The following CSGALNACT1 variants were observed in gnomAD, a reference collection of about 807,000 sequenced individuals.
CSGALNACT1 encodes the protein chondroitin sulfate N-acetylgalactosaminyltransferase 1, also known as beta4GalNAcT-1.
Under a neutral mutation model 51.0 loss-of-function variants are expected in CSGALNACT1, and 52 were observed. The observed-to-expected ratio is 1.02, with a 90% CI of 0.82 to 1.29. The LOEUF is 1.29. Ranked by LOEUF, CSGALNACT1 falls within the 50% of genes most tolerant of loss-of-function variation. The pLI, the probability that CSGALNACT1 is intolerant of heterozygous loss-of-function variation, is 0.00. For synonymous variants in CSGALNACT1, 341 were observed against 254.4 expected (o/e 1.34, Z -3.24); for missense variants, 935 against 679.2 (o/e 1.38, Z -4.19).
intron 3 of CSGALNACT1, among the ~76,000 whole-genome samples, chr8:19,508,838 T>C (rs1165937278): frequency 2.0e-5 from 3 of 152,220 alleles, no homozygotes; most frequent in Admixed American, 6.5e-5. Flanking sequence ...CTGAACACTA[T>C]TTAAAAACTA....
intron 1 of CSGALNACT1, among the ~76,000 whole-genome samples, chr8:19,674,506 G>A (rs1184681347): frequency 6.6e-6 from 1 of 152,130 alleles, no homozygotes; most frequent in African/African-American, 2.4e-5. Context: ...TGCAGAAGCT[G>A]GGTGTTTAGA....
chr8:19,639,492 T>G lies in CSGALNACT1; in HGVS notation c.-543-37627A>C, dbSNP rs190985344. On this transcript the variant is annotated intron_variant, in intron 1 of 9. Coordinates refer to the CSGALNACT1 transcript ENST00000332246. ...ATCTACTGTATCACATGTGAAACAA[T>G]GTGGAAACAGGTCTGTCACAAAACT... Among the ~76,000 whole-genome samples, 456 of 152,324 alleles carry G rather than the reference T, an allele frequency of 3.0e-3. 14 individuals are homozygous for G. The South Asian group carries it at 0.074, about 25-fold the overall frequency.
At chr8:19,418,028 C>G (rs995320584) in intron 8 of CSGALNACT1, among the ~76,000 whole-genome samples, 1 of 152,204 alleles carries the variant, frequency 6.6e-6, no homozygotes, top group Non-Finnish European at 1.5e-5. Flanking sequence ...TATCCATCAC[C>G]TGTGCAGCCA....
At chr8:19,663,064 A>G (rs1769733474) in intron 1 of CSGALNACT1, among the ~76,000 whole-genome samples, 1 of 152,184 alleles carries the variant, frequency 6.6e-6, no homozygotes, top group Admixed American at 6.6e-5. Flanking sequence ...GCTCTCTATC[A>G]ATCTATTGCG....
intron 3 of CSGALNACT1, among the ~76,000 whole-genome samples, chr8:19,572,255 C>G (rs923518945): frequency 1.1e-4 from 16 of 152,216 alleles, no homozygotes; most frequent in African/African-American, 3.6e-4. Context: ...ATCTACCTAT[C>G]AAACTCTATC....
At chr8:19,567,731 T>G (rs1588451760) in intron 3 of CSGALNACT1, among the ~76,000 whole-genome samples, 1 of 152,118 alleles carries the variant, frequency 6.6e-6, no homozygotes, top group Non-Finnish European at 1.5e-5. Context: ...ACGTAGAAAA[T>G]AGGAAAAATC....
intron 3 of CSGALNACT1, among the ~76,000 whole-genome samples, chr8:19,549,200 T>TTCC (rs1387402731): frequency 6.6e-6 from 1 of 152,128 alleles, no homozygotes; most frequent in Non-Finnish European, 1.5e-5. Context: ...CAACACACTT[T>TTCC]TCCTCTCCAT....
chr8:19,649,842 A>AAAAAAAAAC (rs2057638529), intron 1 of CSGALNACT1, among the ~76,000 whole-genome samples: 1 of 148,950 alleles, frequency 6.7e-6, no homozygotes, highest in African/African-American at 2.5e-5. Flanking sequence ...AAAAAAAAAA[A>AAAAAAAAAC]AAACCACGGG....
intron 1 of CSGALNACT1, among the ~76,000 whole-genome samples, chr8:19,626,778 T>C (rs2054513300): frequency 6.6e-6 from 1 of 152,134 alleles, no homozygotes; most frequent in Non-Finnish European, 1.5e-5. Context: ...CAGACAGACC[T>C]TCACCAAAGA....
intron 1 of CSGALNACT1, among the ~76,000 whole-genome samples, chr8:19,649,017 G>A (rs2057531502): frequency 1.3e-5 from 2 of 152,186 alleles, no homozygotes; most frequent in East Asian, 3.8e-4. Context: ...TACTGTGTAT[G>A]TCCATACAGT....
At chr8:19,550,364 C>T (rs1410115344) in intron 3 of CSGALNACT1, among the ~76,000 whole-genome samples, 1 of 152,178 alleles carries the variant, frequency 6.6e-6, no homozygotes, top group Non-Finnish European at 1.5e-5. Context: ...TTTTCCATCT[C>T]TGTGCTTTTA....
At chr8:19,641,128 CTTTTTTTT>C (rs56681695) in intron 1 of CSGALNACT1, among the ~76,000 whole-genome samples, 1,358 of 99,982 alleles carry the variant, frequency 0.014, 22 homozygotes, top group African/African-American at 0.045. Flanking sequence ...GGTGACTGGT[CTTTTTTTT>C]TTTTTTTTTT....
At chr8:19,725,820 A>G (rs1009249913) in intron 1 of CSGALNACT1, among the ~76,000 whole-genome samples, 1 of 151,896 alleles carries the variant, frequency 6.6e-6, no homozygotes, top group Non-Finnish European at 1.5e-5. Context: ...TCTACCCCCA[A>G]CACATACACA....
chr8:19,511,949 A>G (rs1364301448), intron 3 of CSGALNACT1, among the ~76,000 whole-genome samples: 1 of 152,156 alleles, frequency 6.6e-6, no homozygotes, highest in Non-Finnish European at 1.5e-5. Context: ...CTCACTCACT[A>G]TGATGAGAAC....
chr8:19,553,641 A>ATATATATATATATATATG (rs2088861144), intron 3 of CSGALNACT1, among the ~76,000 whole-genome samples: 1 of 119,164 alleles, frequency 8.4e-6, no homozygotes, highest in Non-Finnish European at 1.7e-5. Context: ...ATATATATAA[A>ATATATATATATATATATG]AAAATATGTC....
In CSGALNACT1 at chr8:19,596,962, A is replaced by T. The variant is rs529621082; in HGVS notation, c.-416+4809T>A. Among the ~76,000 whole-genome samples the T allele has an allele frequency of 2.6e-4, 39 of 152,198 alleles. 1 individual carries two copies. The highest frequency in any genetic ancestry group is 1.3e-4 in the Admixed American group (2 of 15,272). Reference sequence around the variant, plus strand: ...AAACTCCACATCTTTTTCATCTTGCATAACTGTAACTCCGTACCCATTAAA... The same window carrying T: ...AAACTCCACATCTTTTTCATCTTGCTTAACTGTAACTCCGTACCCATTAAA... On this transcript the variant is annotated intron_variant, in intron 2 of 9. Coordinates refer to ENST00000454498, the Ensembl canonical transcript of CSGALNACT1.
chr8:19,584,409 CA>C (rs566260820), intron 3 of CSGALNACT1, among the ~76,000 whole-genome samples: 22 of 152,174 alleles, frequency 1.4e-4, no homozygotes, highest in Non-Finnish European at 1.9e-4. Context: ...TTTTTTGACA[CA>C]GTAAGACTTA....
intron 4 of CSGALNACT1, among the ~76,000 whole-genome samples, chr8:19,502,679 G>C (rs2076623544): frequency 6.6e-6 from 1 of 152,152 alleles, no homozygotes; most frequent in Non-Finnish European, 1.5e-5. Flanking sequence ...TCTAAGGTTA[G>C]GAACCCAAAG....
chr8:19,756,998 G>GCC (rs34212493), intron 1 of CSGALNACT1, among the ~76,000 whole-genome samples, 188 bp downstream of exon 1: 1 of 150,768 alleles, frequency 6.6e-6, no homozygotes, highest in Non-Finnish European at 1.5e-5. Context: ...CGTGCCCTGG[G>GCC]CCCCCGGCGG....
Sources: gnomAD v4.1 joint callset for allele counts (sites outside exome capture counted in the v4.1 genomes callset) on GRCh38, gnomAD v4.1.1 for gene constraint, MANE v1.5 for transcripts, NCBI Gene and HGNC (gene_info 2026-07-23, HGNC 2026-07-21) for gene names.